DENND4A: variants seen among roughly 807,000 people sequenced by gnomAD.
DENND4A encodes DENN domain containing 4A, also known as C-myc promoter-binding protein.
In DENND4A, 70 loss-of-function variants were observed where a neutral mutation model predicts 199.3. The observed-to-expected ratio is 0.35, with a 90% confidence interval of 0.29 to 0.43. The LOEUF (loss-of-function observed/expected upper bound fraction) is 0.43. DENND4A is among the 20% of genes least tolerant of loss of function. The pLI, the probability that DENND4A is intolerant of heterozygous loss-of-function variation, is 1.00. For missense variants in DENND4A, 1,723 were observed against 2,255.8 expected (o/e 0.76, Z 4.78); for synonymous variants, 686 against 766.9 (o/e 0.89, Z 1.74).
intron 4 of DENND4A, among the ~76,000 whole-genome samples, chr15:65,744,509 T>C (rs2076337518): frequency 6.6e-6 from 1 of 152,080 alleles, no homozygotes; most frequent in Non-Finnish European, 1.5e-5. Context: ...TCAGAGAGTC[T>C]TCCTTTCACC....
chr15:65,702,453 G>C lies in DENND4A; in HGVS notation c.2282C>G (p.Ser761Cys). The change falls in exon 17 of 33, where the codon TCT (serine) becomes TGT (cysteine). Residue 761 changes from serine (S) to cysteine (C), a missense_variant. By Grantham distance (112) the Ser-to-Cys change is moderately radical (BLOSUM62 -1). Around this residue, in one of 6 missense-constraint regions of DENND4A, gnomAD observed 725 missense variants for 952.9 expected, o/e 0.76. Transcript: ENST00000443035. ...ATAACAGTGGCGCAGTAGACACCTA[G>C]ACCACATCTGAGGGATGGAAGAGTA... ...KRYSSIPQMWSRCLLRHCYGL... is the reference protein window; with the variant it reads ...KRYSSIPQMWCRCLLRHCYGL... 6.3e-7 allele frequency: 1 copy of C among 1,597,866 alleles called. No individual in the cohort carries two copies. The highest frequency in any genetic ancestry group is 8.5e-7 in the Non-Finnish European group (1 of 1,172,012).
At chr15:65,696,928 C>G (rs1194101944) in intron 21 of DENND4A, 10 of 311,224 alleles carry the variant, frequency 3.2e-5, no homozygotes, top group Non-Finnish European at 5.6e-5. Flanking sequence ...TCATAAACTA[C>G]AAAAGGATCA....
chr15:65,694,384 G>A (rs1458086574), intron 22 of DENND4A, among the ~76,000 whole-genome samples: 1 of 152,018 alleles, frequency 6.6e-6, no homozygotes, highest in Non-Finnish European at 1.5e-5. Flanking sequence ...AGGAAGCAGA[G>A]GTTGCAGTGA....
chr15:65,737,297 G>T (rs569820889), intron 7 of DENND4A, among the ~76,000 whole-genome samples: 1 of 152,192 alleles, frequency 6.6e-6, no homozygotes, highest in African/African-American at 2.4e-5. Flanking sequence ...GGACTCAAGA[G>T]ATCTGCCTGC....
intron 1 of DENND4A, among the ~76,000 whole-genome samples, chr15:65,789,916 G>A (rs1453388661): frequency 6.6e-6 from 1 of 152,150 alleles, no homozygotes; most frequent in Non-Finnish European, 1.5e-5. Flanking sequence ...AGCACTTTGG[G>A]AGGCCAAGGC....
At chr15:65,762,226 C>T (rs1405850080) in intron 1 of DENND4A, among the ~76,000 whole-genome samples, 1 of 152,176 alleles carries the variant, frequency 6.6e-6, no homozygotes, top group Non-Finnish European at 1.5e-5. Context: ...AGCCTGGTCT[C>T]GAACTCCCAA....
intron 7 of DENND4A, among the ~76,000 whole-genome samples, chr15:65,735,779 G>A (rs1055599704): frequency 6.6e-6 from 1 of 152,078 alleles, no homozygotes. Flanking sequence ...CTCCCACAGA[G>A]TGCAATTTTT....
chr15:65,775,637 CAAAAAAAAAAAA>C (rs59714693), intron 1 of DENND4A, among the ~76,000 whole-genome samples: 3 of 27,680 alleles, frequency 1.1e-4, no homozygotes, highest in Non-Finnish European at 2.1e-4. Context: ...CAAGACTCCT[CAAAAAAAAAAAA>C]AAAAAAAAAA....
At chr15:65,751,685 A>T (rs1469317005) in intron 4 of DENND4A, among the ~76,000 whole-genome samples, 1 of 152,184 alleles carries the variant, frequency 6.6e-6, no homozygotes, top group Non-Finnish European at 1.5e-5. Context: ...AAGAGAGTAT[A>T]TTTCTTCTTC....
chr15:65,783,305 T>G (rs1387934559), intron 1 of DENND4A, among the ~76,000 whole-genome samples: 1 of 152,160 alleles, frequency 6.6e-6, no homozygotes, highest in African/African-American at 2.4e-5. Flanking sequence ...TTAATAGATG[T>G]CAGATGGCGT....
At chr15:65,714,221 C>A (rs895478558) in intron 14 of DENND4A, among the ~76,000 whole-genome samples, 2 of 151,974 alleles carry the variant, frequency 1.3e-5, no homozygotes, top group African/African-American at 4.8e-5. Flanking sequence ...ACCATCCTGG[C>A]TAACACAGTG....
intron 22 of DENND4A, among the ~76,000 whole-genome samples, chr15:65,693,330 G>T (rs573002295): frequency 6.6e-6 from 1 of 152,232 alleles, no homozygotes; most frequent in Non-Finnish European, 1.5e-5. Context: ...GGTGATATGG[G>T]GAGTTACCAG....
chr15:65,725,330 T>C (rs1245213881), intron 11 of DENND4A, among the ~76,000 whole-genome samples: 1 of 152,174 alleles, frequency 6.6e-6, no homozygotes, highest in African/African-American at 2.4e-5. Flanking sequence ...TATATGCCCT[T>C]TGATAAATCG....
intron 4 of DENND4A, among the ~76,000 whole-genome samples, chr15:65,750,329 C>T (rs2076528728): frequency 6.6e-6 from 1 of 152,048 alleles, no homozygotes; most frequent in Non-Finnish European, 1.5e-5. Context: ...CTGGGGACTA[C>T]TAGAGGGGGA....
At position 65,660,130 on chromosome 15, in the gene DENND4A, T is replaced by C; in HGVS notation, c.*1721A>G. 1.8e-6 allele frequency: 1 copy of C among 561,048 alleles called. No homozygotes were observed. The allele number at this position is 561,048 out of a possible 1,614,324, so 34.8% of individuals were successfully genotyped here. A position where few individuals can be genotyped will look rare whatever the true frequency, so the allele number is the denominator to read the frequency against. On this transcript the variant is annotated 3_prime_UTR_variant, in exon 33 of 33. Coordinates refer to ENST00000443035, the MANE Select transcript of DENND4A (RefSeq NM_001320835.1). ...TGAAGAACAAGTAGAACATGAAGCT[T>C]GGATCTGAATAGTAAAGAATAATAT...
intron 24 of DENND4A, among the ~76,000 whole-genome samples, chr15:65,674,447 G>C (rs555108732): frequency 3.9e-5 from 6 of 152,310 alleles, no homozygotes; most frequent in Admixed American, 3.3e-4. Flanking sequence ...CAGGTGTGCT[G>C]AATTTGTGAA....
At chr15:65,744,954 G>C (rs1309293070) in intron 4 of DENND4A, among the ~76,000 whole-genome samples, 1 of 152,144 alleles carries the variant, frequency 6.6e-6, no homozygotes, top group Non-Finnish European at 1.5e-5. Flanking sequence ...ATACAGACAA[G>C]TTACATAAGT....
chr15:65,687,388 TTTTTC>T (rs1351911870), intron 23 of DENND4A, among the ~76,000 whole-genome samples: 3 of 152,100 alleles, frequency 2.0e-5, no homozygotes, highest in Non-Finnish European at 4.4e-5. Context: ...CAATTATAGG[TTTTTC>T]TTTTCTTTTT....
At chr15:65,688,073 CTGTT>C (rs923846497) in intron 23 of DENND4A, among the ~76,000 whole-genome samples, 6 of 152,072 alleles carry the variant, frequency 3.9e-5, no homozygotes, top group African/African-American at 1.2e-4. Context: ...GTCCCTGAGG[CTGTT>C]TATTTTTATA....
Sources: gnomAD v4.1 joint callset for allele counts (sites outside exome capture counted in the v4.1 genomes callset) on GRCh38, gnomAD v4.1.1 for gene constraint, gnomAD v4.1.1 regional missense constraint, MANE v1.5 for transcripts, NCBI Gene and HGNC (gene_info 2026-07-23, HGNC 2026-07-21) for gene names.